The following AGBL2 variants were observed in gnomAD, a reference collection of about 807,000 sequenced individuals.
The protein encoded by AGBL2 is AGBL carboxypeptidase 2.
A neutral mutation model predicts 103.0 loss-of-function variants in AGBL2; 87 were observed. The ratio of observed to expected loss-of-function variants is 0.84; its 90% CI spans 0.71 to 1.01. AGBL2 has a LOEUF of 1.01. Ranked by LOEUF, AGBL2 falls within the 50% of genes least tolerant of loss-of-function variation. The pLI is 0.00. For missense variants in AGBL2, 904 were observed against 1,023.5 expected, an observed-to-expected ratio of 0.88 and a Z score of 1.59; for synonymous variants, 335 against 356.7, an observed-to-expected ratio of 0.94 and a Z score of 0.69.
intron 10 of AGBL2, among the ~76,000 whole-genome samples, chr11:47,688,551 A>G (rs2097433062): frequency 6.6e-6 from 1 of 152,164 alleles, no homozygotes; most frequent in Non-Finnish European, 1.5e-5. Flanking sequence ...TGAGTATAAT[A>G]ACAACAATGC....
At chr11:47,684,102 C>T (rs1246739791) in intron 11 of AGBL2, among the ~76,000 whole-genome samples, 2 of 151,640 alleles carry the variant, frequency 1.3e-5, no homozygotes, top group Non-Finnish European at 2.9e-5. Flanking sequence ...TACTAAACCC[C>T]ATCTCTACTA....
chr11:47,680,844 T>C (rs183891669), intron 12 of AGBL2, among the ~76,000 whole-genome samples: 1 of 150,746 alleles, frequency 6.6e-6, no homozygotes, highest in East Asian at 2.0e-4. Context: ...TTCTAGAATA[T>C]TATGCTTCAG....
chr11:47,714,537 T>G (rs2097544669), intron 2 of AGBL2, 81 bp downstream of exon 2: 1 of 1,472,416 alleles, frequency 6.8e-7, no homozygotes, highest in South Asian at 1.1e-5. Context: ...CCTTCTCATC[T>G]AGTAGCAGAT....
rs1564997256 is a variant in AGBL2, at chr11:47,663,074, GT to G, written c.2486del (p.Asp829AlafsTer7). ...LNRRDKDTPL[D>X]PSMATLILPK... ...GCAGAATCAGGGTGGCCATTGATGG[GT>G]CCAGGGGGGTGTCTTTGTCTCTTCT... On this transcript the variant is annotated frameshift_variant, in exon 18 of 19. Coordinates refer to ENST00000525123, the MANE Select transcript of AGBL2 (RefSeq NM_024783.4). LOFTEE classifies it low-confidence loss of function (END_TRUNC). The G allele has an allele frequency of 6.3e-7, 1 of 1,598,696 alleles. No homozygotes were observed. Among genetic ancestry groups the G allele is most frequent in the Non-Finnish European group, 8.5e-7 (1 of 1,176,868 alleles).
chr11:47,715,021 C>A (rs2097545875), intron 1 of AGBL2, 154 bp downstream of exon 1: 1 of 213,492 alleles, frequency 4.7e-6, no homozygotes, highest in South Asian at 7.4e-5. Context: ...GAGCACGCGA[C>A]GAAGTCGTCT....
Position 47,690,507 on chromosome 11 carries a change from G to T in AGBL2, c.1200C>A (p.Tyr400Ter). 3 of 1,614,182 alleles carry T rather than the reference G, an allele frequency of 1.9e-6. No homozygotes were observed. The highest frequency in any genetic ancestry group is 2.5e-6 in the Non-Finnish European group (3 of 1,180,026). ...CFFAHFYPYT[Y>*]TDLQCYLLSV... ...ACAGGAGGTAGCATTGCAAATCAGTGTATGTATATGGGTAGAAGTGTGCAA... is the reference window on the plus strand; with the variant it reads ...ACAGGAGGTAGCATTGCAAATCAGTTTATGTATATGGGTAGAAGTGTGCAA... The change falls in exon 10 of 19, where the codon TAC becomes TAA. Residue 400 changes from tyrosine (Y) to a stop codon, truncating the protein, a stop_gained. Transcript: ENST00000525123. LOFTEE classifies it high-confidence loss of function.
intron 10 of AGBL2, among the ~76,000 whole-genome samples, chr11:47,687,833 A>G (rs1400477436): frequency 7.2e-6 from 1 of 139,404 alleles, no homozygotes; most frequent in Non-Finnish European, 1.5e-5. Context: ...GTTAAGACAC[A>G]GTCTCACTCT....
intron 10 of AGBL2, among the ~76,000 whole-genome samples, chr11:47,689,349 GGCTAGAGTGC>G (rs2097436137): frequency 7.1e-6 from 1 of 141,374 alleles, no homozygotes; most frequent in African/African-American, 2.6e-5. Flanking sequence ...CTGCCACCCA[GGCTAGAGTGC>G]AGTGGCACGC....
In AGBL2 at chr11:47,677,415, A is replaced by G; in HGVS notation, c.2017-14T>C. 1 of 1,459,114 alleles carries G rather than the reference A, an allele frequency of 6.9e-7. No individual in the cohort carries two copies. The highest frequency in any genetic ancestry group is 9.0e-7 in the Non-Finnish European group (1 of 1,105,206). 90.4% of individuals were successfully genotyped at this position (1,459,114 alleles called of 1,614,324 possible). The stretch of plus-strand genomic sequence containing the variant: ...ACACTGAGTGAACTATGAAAGTGAA[A>G]AAAAGAACTATTTTGTTAATTCATT... On this transcript the variant is annotated splice_polypyrimidine_tract_variant and intron_variant, in intron 13 of 18. Transcript: ENST00000525123.
chr11:47,697,277 G>A (rs1418103028), intron 8 of AGBL2, among the ~76,000 whole-genome samples: 1 of 148,318 alleles, frequency 6.7e-6, no homozygotes, highest in Non-Finnish European at 1.5e-5. Context: ...TCGGTCTGTC[G>A]CCCAGGCTGG....
chr11:47,690,098 A>G lies in AGBL2; in HGVS notation c.1609T>C (p.Tyr537His), dbSNP rs1391146157. 2 of 1,609,608 alleles carry G rather than the reference A, an allele frequency of 1.2e-6. No individual in the cohort carries two copies. Among genetic ancestry groups the G allele is most frequent in the Non-Finnish European group, 1.7e-6 (2 of 1,178,826 alleles). ...ILKESFPCIWYTRNMIKRLLE... is the reference protein window; with the variant it reads ...ILKESFPCIWHTRNMIKRLLE... ...CACCTTTTGATCATGTTCCTGGTGT[A>G]CCAAATACAAGGGAAAGACTCCTTC... is the stretch of plus-strand genomic sequence containing the variant. Residue 537 changes from tyrosine to histidine, a missense_variant, in exon 10 of 19, where the codon TAC (tyrosine) becomes CAC (histidine). Transcript: ENST00000525123.
chr11:47,679,991 A>G lies in AGBL2; in HGVS notation c.1998T>C (p.Cys666=). The G allele has an allele frequency of 6.2e-7, 1 of 1,610,554 alleles. No individual in the cohort carries two copies. Among genetic ancestry groups the G allele is most frequent in the Non-Finnish European group, 8.5e-7 (1 of 1,177,224 alleles). Residue 666 remains cysteine, a synonymous_variant, in exon 13 of 19, where the codon TGT becomes TGC. Coordinates refer to ENST00000525123, the MANE Select transcript of AGBL2 (RefSeq NM_024783.4). ...TTTTTACCTTCATTTGGTCAGGATC[A>G]CAAAAGTCCAGAAGGGTGTCACAGA... is the stretch of plus-strand genomic sequence containing the variant. ...YHVCDTLLDF[C]DPDQMKFTQC... is the part of the protein sequence containing the mutation.
intron 8 of AGBL2, among the ~76,000 whole-genome samples, chr11:47,698,447 T>C (rs2097485523): frequency 6.6e-6 from 1 of 152,134 alleles, no homozygotes; most frequent in African/African-American, 2.4e-5. Flanking sequence ...GCTGGGATTA[T>C]AGGCGTGAGC....
At chr11:47,691,856 A>G (rs1360517452) in intron 9 of AGBL2, among the ~76,000 whole-genome samples, 1 of 147,580 alleles carries the variant, frequency 6.8e-6, no homozygotes, top group Non-Finnish European at 1.5e-5. Context: ...AGGACTTTTT[A>G]TGTTACATAT....
chr11:47,704,608 C>G lies in AGBL2; in HGVS notation c.521G>C (p.Arg174Thr). ...QELFSILSTKRPLQAPRWPIE... is the reference protein window; with the variant it reads ...QELFSILSTKTPLQAPRWPIE... ...TGGCCATCTTGGAGCCTGCAGTGGC[C>G]TCTTGGTAGACAAAATGGAAAAGAG... Residue 174 changes from arginine to threonine, a missense_variant, in exon 7 of 19, where the codon AGG becomes ACG. Physicochemically the swap from Arg to Thr is moderately conservative, Grantham distance 71. Coordinates refer to ENST00000525123, the MANE Select transcript of AGBL2 (RefSeq NM_024783.4). 2 of 1,614,040 alleles carry G rather than the reference C, an allele frequency of 1.2e-6. No individual in the cohort carries two copies. The highest frequency in any genetic ancestry group is 1.7e-6 in the Non-Finnish European group (2 of 1,179,998).
At chr11:47,695,720 A>G (rs916684015) in intron 8 of AGBL2, among the ~76,000 whole-genome samples, 1 of 151,670 alleles carries the variant, frequency 6.6e-6, no homozygotes, top group African/African-American at 2.4e-5. Context: ...GGATACAATG[A>G]GCCATGTTCA....
At position 47,677,406 on chromosome 11, in the gene AGBL2, G is replaced by A; in HGVS notation, c.2017-5C>T. ...CTCTGCTAGACACTGAGTGAACTAT[G>A]AAAGTGAAAAAAAGAACTATTTTGT... On this transcript the variant is annotated splice_region_variant and splice_polypyrimidine_tract_variant and intron_variant, in intron 13 of 18. Coordinates refer to ENST00000525123, the MANE Select transcript of AGBL2 (RefSeq NM_024783.4). 1 of 1,477,114 alleles carries A rather than the reference G, an allele frequency of 6.8e-7. No individual in the cohort carries two copies. The highest frequency in any genetic ancestry group is 9.0e-7 in the Non-Finnish European group (1 of 1,116,768). The allele number at this position is 1,477,114 out of a possible 1,614,324, so 91.5% of individuals were successfully genotyped here.
At chr11:47,688,071 G>A (rs1473177505) in intron 10 of AGBL2, among the ~76,000 whole-genome samples, 1 of 151,974 alleles carries the variant, frequency 6.6e-6, no homozygotes, top group Non-Finnish European at 1.5e-5. Flanking sequence ...GCCTCCCAAA[G>A]TGCTGGGATT....
chr11:47,685,880 A>G lies in AGBL2; in HGVS notation c.1788+13T>C, dbSNP rs775768123. On this transcript the variant is annotated intron_variant, in intron 11 of 18. Coordinates refer to ENST00000525123, the MANE Select transcript of AGBL2 (RefSeq NM_024783.4). ...CCTAACTCAATGGAGAGAAAATTACATTATGTGCTTACCTTATCTGGTGCA... is the reference window on the plus strand; with the variant it reads ...CCTAACTCAATGGAGAGAAAATTACGTTATGTGCTTACCTTATCTGGTGCA... 7.8e-5 allele frequency: 126 copies of G among 1,612,006 alleles called. 1 individual carries two copies. Among genetic ancestry groups the G allele is most frequent in the South Asian group, 2.1e-4 (19 of 90,838 alleles).
Sources: allele counts gnomAD v4.1 joint callset (sites outside exome capture counted in the v4.1 genomes callset), GRCh38; gene constraint gnomAD v4.1.1; transcripts MANE v1.5; gene names NCBI Gene and HGNC (gene_info 2026-07-23, HGNC 2026-07-21).